CHD6: variants seen among roughly 807,000 people sequenced by gnomAD.
CHD6 encodes chromodomain helicase DNA binding protein 6, also known as ATP-dependent chromatin remodeler CHD6.
Under a neutral mutation model 276.9 loss-of-function variants are expected in CHD6, and 50 were observed. The observed-to-expected ratio is 0.18, with a 90% CI of 0.14 to 0.23. The LOEUF is 0.23. Among genes scored for constraint, CHD6 ranks in the 10% least tolerant of loss-of-function variants. The pLI is 1.00. For missense variants in CHD6, 2,564 were observed against 3,365.8 expected (o/e 0.76, Z 5.89); for synonymous variants, 1,173 against 1,229.3 (o/e 0.95, Z 0.96).
At chr20:41,598,441 G>T (rs992459501) in intron 1 of CHD6, among the ~76,000 whole-genome samples, 1 of 151,972 alleles carries the variant, frequency 6.6e-6, no homozygotes, top group Non-Finnish European at 1.5e-5. Flanking sequence ...TATTCCGTCC[G>T]CAAACTAAAC....
At chr20:41,595,757 T>C (rs2045710679) in intron 1 of CHD6, among the ~76,000 whole-genome samples, 1 of 152,038 alleles carries the variant, frequency 6.6e-6, no homozygotes, top group Non-Finnish European at 1.5e-5. Context: ...AATATTGTTG[T>C]TTTATTTGGA....
In CHD6 at chr20:41,404,482, A is replaced by C. The variant is rs1382633723; in HGVS notation, c.*111T>G. ...TTCTCAGACAGGAAATCAGGTACGT[A>C]ATCTTACTTATGGAAACACAGGTTC... is the stretch of plus-strand genomic sequence containing the variant. On this transcript the variant is annotated 3_prime_UTR_variant, in exon 37 of 37. Transcript: ENST00000373233. 1 of 1,394,728 alleles carries C rather than the reference A, an allele frequency of 7.2e-7. No individual in the cohort carries two copies. The highest frequency in any genetic ancestry group is 9.3e-7 in the Non-Finnish European group (1 of 1,071,788). 86.4% of individuals were successfully genotyped at this position (1,394,728 alleles called of 1,614,324 possible).
At chr20:41,420,296 C>G (rs1431930514) in intron 31 of CHD6, among the ~76,000 whole-genome samples, 1 of 152,154 alleles carries the variant, frequency 6.6e-6, no homozygotes, top group Admixed American at 6.5e-5. Context: ...AGCCAAACTG[C>G]TATGATTGTC....
chr20:41,404,534 CAAACCTTTATG>C lies in CHD6; in HGVS notation c.*48_*58del. The C allele has an allele frequency of 6.9e-7, 1 of 1,446,876 alleles. No individual in the cohort carries two copies. Among genetic ancestry groups the C allele is most frequent in the Non-Finnish European group, 9.1e-7 (1 of 1,097,608 alleles). 89.6% of individuals were successfully genotyped at this position (1,446,876 alleles called of 1,614,324 possible). A position where few individuals can be genotyped will look rare whatever the true frequency, so the allele number is the denominator to read the frequency against. ...TATGGAGGTGAAGTGAGGGAAGTAA[CAAACCTTTATG>C]GGATAAGAAACTTACAAGTCACAAT... On this transcript the variant is annotated 3_prime_UTR_variant, in exon 37 of 37. Transcript: ENST00000373233.
rs923362976 is a variant in CHD6, at chr20:41,403,251, C to T, written c.*1342G>A. On this transcript the variant is annotated 3_prime_UTR_variant, in exon 37 of 37. Coordinates refer to ENST00000373233, the MANE Select transcript of CHD6 (RefSeq NM_032221.5). ...ACTTGCAACATTTCCAAGGGTCCTG[C>T]GCAGCCCTGCGCCCCCAGAGTACTG... The T allele has an allele frequency of 3.8e-6, 4 of 1,061,182 alleles. No homozygotes were observed. The highest frequency in any genetic ancestry group is 4.6e-6 in the Non-Finnish European group (4 of 876,194). The allele number at this position is 1,061,182 out of a possible 1,614,324, so 65.7% of individuals were successfully genotyped here. A position where few individuals can be genotyped will look rare whatever the true frequency, so the allele number is the denominator to read the frequency against.
chr20:41,509,705 T>C (rs2044068707), intron 5 of CHD6, among the ~76,000 whole-genome samples: 1 of 152,188 alleles, frequency 6.6e-6, no homozygotes, highest in Non-Finnish European at 1.5e-5. Context: ...TGAGACAGGC[T>C]TGTCAACAGT....
intron 1 of CHD6, among the ~76,000 whole-genome samples, chr20:41,604,522 A>C (rs892674716): frequency 6.6e-6 from 1 of 152,194 alleles, no homozygotes; most frequent in African/African-American, 2.4e-5. Context: ...GGCTATGAAA[A>C]TCATTTCCTA....
At chr20:41,442,297 A>AG (rs1026229116) in intron 25 of CHD6, among the ~76,000 whole-genome samples, 24 of 152,112 alleles carry the variant, frequency 1.6e-4, no homozygotes, top group Middle Eastern at 3.4e-3. Flanking sequence ...ATTAAAAAAA[A>AG]AAAAATTAGC....
chr20:41,428,774 T>C (rs2047442539), intron 27 of CHD6, among the ~76,000 whole-genome samples: 1 of 152,210 alleles, frequency 6.6e-6, no homozygotes, highest in South Asian at 2.1e-4. Flanking sequence ...GCAGGGGAGA[T>C]AGCACTCTTG....
chr20:41,567,911 C>T (rs2045376704), intron 1 of CHD6, among the ~76,000 whole-genome samples: 1 of 152,162 alleles, frequency 6.6e-6, no homozygotes, highest in African/African-American at 2.4e-5. Context: ...CCTGTAACTA[C>T]ACAGATGTCT....
intron 20 of CHD6, 45 bp downstream of exon 20, chr20:41,454,581 G>T: frequency 7.1e-7 from 1 of 1,410,794 alleles, no homozygotes; most frequent in South Asian, 1.2e-5. Flanking sequence ...TGTCATGTAT[G>T]ACATAAGTGA....
chr20:41,471,526 A>G (rs2145774361), intron 17 of CHD6, among the ~76,000 whole-genome samples: 1 of 144,000 alleles, frequency 6.9e-6, no homozygotes, highest in South Asian at 2.2e-4. Context: ...GATGTATACC[A>G]TGAAATATTT....
intron 2 of CHD6, among the ~76,000 whole-genome samples, chr20:41,534,370 A>G (rs1187692601): frequency 6.6e-6 from 1 of 152,238 alleles, no homozygotes; most frequent in Non-Finnish European, 1.5e-5. Context: ...GGGCACAGAC[A>G]GTTGCCCAGG....
intron 16 of CHD6, among the ~76,000 whole-genome samples, chr20:41,477,864 C>T (rs760481712): frequency 2.6e-5 from 4 of 152,134 alleles, no homozygotes; most frequent in Non-Finnish European, 4.4e-5. Flanking sequence ...TTTACTTAGC[C>T]TCTAGATCAC....
chr20:41,466,040 T>A (rs1039101350), intron 17 of CHD6, among the ~76,000 whole-genome samples: 2 of 152,052 alleles, frequency 1.3e-5, no homozygotes, highest in Admixed American at 6.5e-5. Context: ...CTGTCTCTAC[T>A]AAAAATACAA....
At chr20:41,427,834 T>C (rs2047413906) in intron 27 of CHD6, among the ~76,000 whole-genome samples, 1 of 152,250 alleles carries the variant, frequency 6.6e-6, no homozygotes, top group Non-Finnish European at 1.5e-5. Flanking sequence ...CAACCTACTA[T>C]GCCTTATATA....
chr20:41,551,236 T>TA, intron 2 of CHD6, 69 bp downstream of exon 2: 1 of 990,074 alleles, frequency 1.0e-6, no homozygotes, highest in South Asian at 1.3e-5. Context: ...ACACTGCCAG[T>TA]GTCTCCCCTT....
At chr20:41,422,687 T>A (rs1188106828) in intron 30 of CHD6, among the ~76,000 whole-genome samples, 1 of 152,158 alleles carries the variant, frequency 6.6e-6, no homozygotes, top group Non-Finnish European at 1.5e-5. Context: ...CCTGTCCTAT[T>A]TCAAGGATAA....
intron 3 of CHD6, among the ~76,000 whole-genome samples, chr20:41,519,203 A>G (rs915816434): frequency 2.0e-5 from 3 of 152,206 alleles, no homozygotes; most frequent in African/African-American, 7.2e-5. Context: ...GAATTGTTTG[A>G]GCCTGGAAGG....
Sources: gnomAD v4.1 joint callset for allele counts (sites outside exome capture counted in the v4.1 genomes callset) on GRCh38, gnomAD v4.1.1 for gene constraint, MANE v1.5 for transcripts, NCBI Gene and HGNC (gene_info 2026-07-23, HGNC 2026-07-21) for gene names.